RARB: variants seen among roughly 807,000 people sequenced by gnomAD.
RARB encodes the protein retinoic acid receptor beta.
In RARB, 17 loss-of-function variants were observed where a neutral mutation model predicts 51.9. The observed-to-expected ratio is 0.33, with a 90% CI of 0.22 to 0.49. RARB has a LOEUF of 0.49. RARB is among the 20% of genes least tolerant of loss of function. The pLI is 0.99. For synonymous variants in RARB, 215 were observed against 195.4 expected, an observed-to-expected ratio of 1.10 and a Z score of -0.84; for missense variants, 369 against 550.8, an observed-to-expected ratio of 0.67 and a Z score of 3.30.
intron 2 of RARB, among the ~76,000 whole-genome samples, chr3:25,003,418 T>C (rs925185985): frequency 2.0e-5 from 3 of 152,126 alleles, no homozygotes; most frequent in African/African-American, 7.2e-5. Context: ...TAAAATATAA[T>C]GCTGGTAATG....
At chr3:25,205,348 G>T (rs1056323862) in intron 5 of RARB, among the ~76,000 whole-genome samples, 4 of 152,246 alleles carry the variant, frequency 2.6e-5, no homozygotes, top group Non-Finnish European at 5.9e-5. Flanking sequence ...CTAGGAAAGG[G>T]AATTCCCTGA....
intron 2 of RARB, among the ~76,000 whole-genome samples, chr3:25,026,697 C>G (rs1697757645): frequency 1.3e-5 from 2 of 152,266 alleles, no homozygotes; most frequent in East Asian, 3.9e-4. Context: ...CATGACAATC[C>G]ATGTCCTGGT....
intron 2 of RARB, among the ~76,000 whole-genome samples, chr3:25,036,357 A>G (rs1383508768): frequency 2.0e-5 from 3 of 152,200 alleles, no homozygotes; most frequent in Admixed American, 6.5e-5. Context: ...ATATGTCTGT[A>G]GCGCCAAATC....
rs112129065 is a variant in RARB, at chr3:24,962,414, A to G, written c.-379-97711A>G. ...ATCAACCCTCAGTCCTGACAATCAGATATGTCTCAAGGCACTGCTGAATAT... is the reference window on the plus strand; with the variant it reads ...ATCAACCCTCAGTCCTGACAATCAGGTATGTCTCAAGGCACTGCTGAATAT... On this transcript the variant is annotated intron_variant, in intron 2 of 11. Coordinates refer to the RARB transcript ENST00000383772. Among the ~76,000 whole-genome samples, 231 of 152,260 alleles carry G rather than the reference A, an allele frequency of 1.5e-3. No individual in the cohort carries two copies. The Middle Eastern group carries it at 0.017, about 11-fold the overall frequency.
At chr3:25,244,720 T>A (rs1328947070) in intron 5 of RARB, among the ~76,000 whole-genome samples, 1 of 152,140 alleles carries the variant, frequency 6.6e-6, no homozygotes, top group African/African-American at 2.4e-5. Flanking sequence ...CTGAGGCATG[T>A]TTTACTTCCA....
In RARB at chr3:24,891,097, A is replaced by G. The variant is rs191619211; in HGVS notation, c.-380+32345A>G. The stretch of plus-strand genomic sequence containing the variant: ...TGGAAAGTTGTGAACAACGCAGCCC[A>G]TAGCATTTGATTTTAAACAAATGAA... On this transcript the variant is annotated intron_variant, in intron 2 of 11. Transcript: ENST00000383772. Among the ~76,000 whole-genome samples, 31 of 152,348 alleles carry G rather than the reference A, an allele frequency of 2.0e-4. No homozygotes were observed. The East Asian group carries it at 4.8e-3, about 24-fold the overall frequency.
chr3:24,948,029 T>G (rs1695811939), intron 2 of RARB, among the ~76,000 whole-genome samples: 2 of 152,174 alleles, frequency 1.3e-5, no homozygotes, highest in African/African-American at 4.8e-5. Context: ...AGTACCTACT[T>G]GATAATGTCT....
intron 1 of RARB, 78 bp from the exon 2 acceptor site, chr3:25,461,115 A>C: frequency 1.6e-5 from 23 of 1,436,486 alleles, no homozygotes; most frequent in Non-Finnish European, 2.1e-5. Context: ...GCAGAAGCAT[A>C]TGAATTCACT....
intron 2 of RARB, among the ~76,000 whole-genome samples, chr3:24,932,391 A>G (rs1429527721): frequency 1.3e-5 from 2 of 152,074 alleles, no homozygotes; most frequent in South Asian, 2.1e-4. Context: ...GATGTTTGCA[A>G]CAGCTCTCGT....
intron 2 of RARB, among the ~76,000 whole-genome samples, chr3:25,058,046 T>C (rs1361551120): frequency 6.6e-6 from 1 of 151,960 alleles, no homozygotes; most frequent in African/African-American, 2.4e-5. Context: ...TTTGCTTAGG[T>C]TATAAAAATT....
chr3:25,233,080 A>G (rs1026432088), intron 5 of RARB, among the ~76,000 whole-genome samples: 53 of 144,300 alleles, frequency 3.7e-4, no homozygotes, highest in African/African-American at 1.3e-3. Flanking sequence ...GGTTCCAGAG[A>G]TTTTGCTGCT....
Position 24,911,694 on chromosome 3 carries a change from T to C in RARB, c.-380+52942T>C, listed in dbSNP as rs530053082. ...CTGGCTGGGCACAGTGGCTCATACC[T>C]GTAATCCTAGCACTTTGGGAGGCCA... On this transcript the variant is annotated intron_variant, in intron 2 of 11. Transcript: ENST00000383772. Among the ~76,000 whole-genome samples the C allele has an allele frequency of 3.3e-5, 5 of 152,330 alleles. No homozygotes were observed. The South Asian group carries it at 1.0e-3, about 32-fold the overall frequency.
chr3:25,254,500 C>T (rs1417340427), intron 5 of RARB, among the ~76,000 whole-genome samples: 1 of 152,142 alleles, frequency 6.6e-6, no homozygotes, highest in Non-Finnish European at 1.5e-5. Flanking sequence ...AATAATGGAA[C>T]TCACACTGAA....
chr3:25,561,826 C>T (rs1197205098), intron 3 of RARB, among the ~76,000 whole-genome samples: 1 of 152,110 alleles, frequency 6.6e-6, no homozygotes, highest in East Asian at 1.9e-4. Flanking sequence ...ATTTGAAAGC[C>T]CATAACTTGT....
chr3:25,168,898 C>T (rs1700599828), intron 4 of RARB, among the ~76,000 whole-genome samples: 1 of 152,072 alleles, frequency 6.6e-6, no homozygotes, highest in Non-Finnish European at 1.5e-5. Context: ...AAGTGCATAA[C>T]ACAATGAAGC....
chr3:24,831,643 T>TGG (rs150113246), intron 1 of RARB, among the ~76,000 whole-genome samples: 1 of 151,234 alleles, frequency 6.6e-6, no homozygotes, highest in African/African-American at 2.4e-5. Flanking sequence ...ATAGATATGG[T>TGG]GGGGGGGAAC....
Position 25,376,773 on chromosome 3 carries a change from C to G in RARB, c.179-84420C>G, listed in dbSNP as rs557480687. ...TGCATCCATGTGGATTCCCACACCC[C>G]TGGTGGAAGCAGTTCCAGCACAAAT... On this transcript the variant is annotated intron_variant, in intron 5 of 11. Transcript: ENST00000383772. Among the ~76,000 whole-genome samples, 43 of 152,312 alleles carry G rather than the reference C, an allele frequency of 2.8e-4. 1 individual carries two copies. Among genetic ancestry groups the G allele is most frequent in the African/African-American group, 1.0e-3 (43 of 41,562 alleles).
chr3:25,223,888 A>T (rs1701999402), intron 5 of RARB, among the ~76,000 whole-genome samples: 1 of 152,204 alleles, frequency 6.6e-6, no homozygotes, highest in African/African-American at 2.4e-5. Context: ...CAGCTTTGGG[A>T]TAACCAACTT....
chr3:24,938,140 C>T (rs1695584253), intron 2 of RARB, among the ~76,000 whole-genome samples: 1 of 151,946 alleles, frequency 6.6e-6, no homozygotes, highest in South Asian at 2.1e-4. Flanking sequence ...CTTGGCTGGG[C>T]CAATGGTAAG....
Sources: gnomAD v4.1 joint callset for allele counts (sites outside exome capture counted in the v4.1 genomes callset) on GRCh38, gnomAD v4.1.1 for gene constraint, MANE v1.5 for transcripts, NCBI Gene and HGNC (gene_info 2026-07-23, HGNC 2026-07-21) for gene names.